ADAMTSL1: variants seen among roughly 807,000 people sequenced by gnomAD.
ADAMTSL1 encodes ADAMTS like 1.
ADAMTSL1 carries 126 observed loss-of-function variants against 201.8 expected under a neutral mutation model. The observed-to-expected ratio is 0.62, with a 90% CI of 0.54 to 0.72. The LOEUF is 0.72. ADAMTSL1 is among the 30% of genes least tolerant of loss of function. The pLI, the probability that ADAMTSL1 is intolerant of heterozygous loss-of-function variation, is 0.00. For synonymous variants in ADAMTSL1, 1,121 were observed against 903.4 expected (o/e 1.24, Z -4.32); for missense variants, 2,679 against 2,277.8 (o/e 1.18, Z -3.59).
intron 1 of ADAMTSL1, among the ~76,000 whole-genome samples, chr9:18,098,135 G>A (rs533814239): frequency 1.3e-5 from 2 of 151,204 alleles, no homozygotes; most frequent in South Asian, 4.2e-4. Context: ...ATAAATTATG[G>A]GTATTTTTTG....
At chr9:18,311,534 T>C (rs1222435031) in intron 2 of ADAMTSL1, among the ~76,000 whole-genome samples, 2 of 152,082 alleles carry the variant, frequency 1.3e-5, no homozygotes, top group Non-Finnish European at 2.9e-5. Flanking sequence ...ATTTATTCAA[T>C]GTTGATCTGT....
rs1445781852 is a variant in ADAMTSL1, at chr9:18,578,535, A to C, written c.474+4269A>C. ...AATCATACCATCTAGGTTGGAATCTAAGCTCCACCACTCATTGGCATGTGC... is the reference window on the plus strand; with the variant it reads ...AATCATACCATCTAGGTTGGAATCTCAGCTCCACCACTCATTGGCATGTGC... On this transcript the variant is annotated intron_variant, in intron 4 of 28. Transcript: ENST00000380548. Among the ~76,000 whole-genome samples the C allele has an allele frequency of 4.6e-5, 7 of 152,180 alleles. No homozygotes were observed. In the East Asian group the frequency reaches 1.2e-3, roughly 25 times the overall value.
chr9:18,269,930 A>G (rs1200013686), intron 2 of ADAMTSL1, among the ~76,000 whole-genome samples: 1 of 151,672 alleles, frequency 6.6e-6, no homozygotes, highest in Non-Finnish European at 1.5e-5. Context: ...AGCTCAATAC[A>G]GTGAAATCTC....
At chr9:18,741,484 A>G (rs1460905158) in intron 15 of ADAMTSL1, among the ~76,000 whole-genome samples, 4 of 152,234 alleles carry the variant, frequency 2.6e-5, no homozygotes. Context: ...AAACTCATGA[A>G]TATAAATGTC....
intron 2 of ADAMTSL1, among the ~76,000 whole-genome samples, chr9:18,286,972 A>G (rs893099789): frequency 3.3e-5 from 5 of 152,224 alleles, no homozygotes; most frequent in African/African-American, 4.8e-5. Context: ...GATAAACTGT[A>G]TAAAACACTA....
At chr9:18,064,954 ATTTTT>A (rs563021690) in intron 1 of ADAMTSL1, among the ~76,000 whole-genome samples, 2 of 69,012 alleles carry the variant, frequency 2.9e-5, no homozygotes, top group African/African-American at 1.1e-4. Context: ...TTTGCTAAAG[ATTTTT>A]TTTTTTTTTT....
chr9:18,494,541 A>G (rs1822432948), intron 1 of ADAMTSL1, among the ~76,000 whole-genome samples: 1 of 152,162 alleles, frequency 6.6e-6, no homozygotes, highest in African/African-American at 2.4e-5. Context: ...CCCGATTACT[A>G]GATGTCCTCA....
At chr9:18,238,958 C>G (rs888182627) in intron 2 of ADAMTSL1, among the ~76,000 whole-genome samples, 2 of 152,160 alleles carry the variant, frequency 1.3e-5, no homozygotes, top group African/African-American at 4.8e-5. Flanking sequence ...GTGAGTCACA[C>G]AATTTTGTGG....
intron 1 of ADAMTSL1, among the ~76,000 whole-genome samples, chr9:18,020,618 C>G (rs887434080): frequency 6.6e-6 from 1 of 152,046 alleles, no homozygotes; most frequent in Non-Finnish European, 1.5e-5. Flanking sequence ...GCGGAGACCA[C>G]CCCCATGATC....
chr9:18,350,679 C>G (rs1015622207), intron 2 of ADAMTSL1, among the ~76,000 whole-genome samples: 1 of 152,076 alleles, frequency 6.6e-6, no homozygotes, highest in Non-Finnish European at 1.5e-5. Context: ...GAAATCATCA[C>G]AAAATGGCAA....
chr9:17,996,450 T>G (rs923600105), intron 1 of ADAMTSL1, among the ~76,000 whole-genome samples: 6 of 152,114 alleles, frequency 3.9e-5, no homozygotes, highest in Non-Finnish European at 8.8e-5. Context: ...TAACTGCCTC[T>G]TTTGTTACTT....
At chr9:18,650,534 G>T (rs1203135132) in intron 7 of ADAMTSL1, among the ~76,000 whole-genome samples, 3 of 152,092 alleles carry the variant, frequency 2.0e-5, no homozygotes, top group Admixed American at 2.0e-4. Context: ...GGCCATCTTG[G>T]CTCCTCCCTC....
rs548315275 is a variant in ADAMTSL1 at position 18,190,974 on chromosome 9, T to G, written c.207+26993T>G. Among the ~76,000 whole-genome samples, 8 of 152,278 alleles carry G rather than the reference T, an allele frequency of 5.3e-5. 1 individual carries two copies. In the South Asian group the frequency reaches 1.7e-3, roughly 32 times the overall value. ...CTACAGGTGTCAAAATAATCCAAAT[T>G]TCCACAAGAAATCTAGAATGATGTT... On this transcript the variant is annotated intron_variant, in intron 2 of 29. Coordinates refer to the ADAMTSL1 transcript ENST00000680146.
At chr9:18,321,157 A>G (rs1834600007) in intron 2 of ADAMTSL1, among the ~76,000 whole-genome samples, 1 of 152,198 alleles carries the variant, frequency 6.6e-6, no homozygotes, top group Admixed American at 6.5e-5. Context: ...GAAAGTTGGC[A>G]TGGCTCTATT....
chr9:18,496,459 G>A (rs922274459), intron 1 of ADAMTSL1, among the ~76,000 whole-genome samples: 2 of 152,134 alleles, frequency 1.3e-5, no homozygotes, highest in Non-Finnish European at 2.9e-5. Context: ...GCATCCCATG[G>A]AACTTAATTC....
At chr9:18,258,843 A>G (rs1232994877) in intron 2 of ADAMTSL1, among the ~76,000 whole-genome samples, 1 of 152,108 alleles carries the variant, frequency 6.6e-6, no homozygotes, top group African/African-American at 2.4e-5. Flanking sequence ...CCTTAATTTT[A>G]TTCAGTCTTT....
At chr9:18,432,551 C>T (rs1165741955) in intron 2 of ADAMTSL1, among the ~76,000 whole-genome samples, 1 of 152,154 alleles carries the variant, frequency 6.6e-6, no homozygotes, top group Non-Finnish European at 1.5e-5. Context: ...TTTCCCATAG[C>T]ACATCACCAA....
chr9:18,392,536 C>CT (rs1838094547), intron 2 of ADAMTSL1, among the ~76,000 whole-genome samples: 1 of 152,184 alleles, frequency 6.6e-6, no homozygotes, highest in Non-Finnish European at 1.5e-5. Context: ...TAGCCCTTAT[C>CT]TTTATCTCTG....
intron 2 of ADAMTSL1, among the ~76,000 whole-genome samples, chr9:18,285,334 C>T (rs1239922920): frequency 1.3e-5 from 2 of 151,898 alleles, no homozygotes; most frequent in African/African-American, 4.8e-5. Flanking sequence ...CTTATATGAC[C>T]CTCTGAAATA....
Sources: gnomAD v4.1 joint callset for allele counts (sites outside exome capture counted in the v4.1 genomes callset) on GRCh38, gnomAD v4.1.1 for gene constraint, MANE v1.5 for transcripts, NCBI Gene and HGNC (gene_info 2026-07-23, HGNC 2026-07-21) for gene names.